CLASP1: variants seen among roughly 807,000 people sequenced by gnomAD.
CLASP1 encodes cytoplasmic linker associated protein 1, also known as CLIP-associating protein 1.
In CLASP1, 38 loss-of-function variants were observed where a neutral mutation model predicts 192.3. The ratio of observed to expected loss-of-function variants is 0.20; its 90% CI spans 0.15 to 0.26. The LOEUF (loss-of-function observed/expected upper bound fraction) is 0.26. CLASP1 is among the 10% of genes least tolerant of loss of function. The pLI is 1.00. For synonymous variants in CLASP1, 691 were observed against 712.8 expected, an observed-to-expected ratio of 0.97 and a Z score of 0.49; for missense variants, 1,433 against 1,932.5, an observed-to-expected ratio of 0.74 and a Z score of 4.85.
exon 40 of CLASP1, chr2:121,340,882 G>A (rs1253967518): frequency 3.7e-5 from 60 of 1,611,914 alleles, no homozygotes; most frequent in Non-Finnish European, 4.7e-5. Flanking sequence ...TGGAGACATC[G>A]GAGGAGGAGC....
chr2:121,610,774 G>C (rs780726580), intron 1 of CLASP1, among the ~76,000 whole-genome samples: 15 of 143,760 alleles, frequency 1.0e-4, no homozygotes, highest in Admixed American at 2.1e-4. Flanking sequence ...AGAGGAACTG[G>C]AGGAGGAGGA....
chr2:121,457,412 C>T (rs977577682), intron 14 of CLASP1, among the ~76,000 whole-genome samples: 10 of 151,878 alleles, frequency 6.6e-5, no homozygotes, highest in Non-Finnish European at 8.8e-5. Context: ...CTCTCCCCTT[C>T]TCCTTCTGCC....
exon 8 of CLASP1, chr2:121,503,202 A>G: frequency 6.5e-7 from 1 of 1,549,936 alleles, no homozygotes; most frequent in Non-Finnish European, 8.7e-7. Context: ...AGATTTCTGG[A>G]CTTCATCAAA....
chr2:121,535,184 T>G (rs2095024872), intron 2 of CLASP1, among the ~76,000 whole-genome samples: 1 of 152,174 alleles, frequency 6.6e-6, no homozygotes, highest in African/African-American at 2.4e-5. Flanking sequence ...CTCGGGAGGC[T>G]GAGGTGGGAG....
intron 39 of CLASP1, among the ~76,000 whole-genome samples, chr2:121,346,610 A>T (rs1483618807): frequency 6.6e-6 from 1 of 152,232 alleles, no homozygotes; most frequent in Non-Finnish European, 1.5e-5. Flanking sequence ...CAACGCATGC[A>T]AAGTGCGTAG....
intron 1 of CLASP1, among the ~76,000 whole-genome samples, chr2:121,629,793 A>C (rs2069139546): frequency 6.6e-6 from 1 of 152,094 alleles, no homozygotes; most frequent in African/African-American, 2.4e-5. Flanking sequence ...CTCCATCTCA[A>C]AAAAAATAAA....
intron 1 of CLASP1, among the ~76,000 whole-genome samples, chr2:121,629,690 C>G (rs563170982): frequency 1.4e-4 from 21 of 151,966 alleles, no homozygotes; most frequent in African/African-American, 4.3e-4. Flanking sequence ...ACTTGAGAGA[C>G]TGAGGCAGGA....
At chr2:121,387,301 T>C in intron 31 of CLASP1, 73 bp from the exon 33 acceptor site, 2 of 1,063,116 alleles carry the variant, frequency 1.9e-6, no homozygotes, top group Non-Finnish European at 2.6e-6. Context: ...TCCTTGGTCT[T>C]TTAACCCACA....
intron 1 of CLASP1, among the ~76,000 whole-genome samples, chr2:121,616,823 C>G (rs146606478): frequency 6.6e-6 from 1 of 152,168 alleles, no homozygotes; most frequent in Non-Finnish European, 1.5e-5. Context: ...ACTCAGTGAG[C>G]AAGCATTTAC....
chr2:121,381,341 A>G (rs1574077840), intron 33 of CLASP1, among the ~76,000 whole-genome samples: 1 of 151,594 alleles, frequency 6.6e-6, no homozygotes, highest in Admixed American at 6.6e-5. Context: ...CACACCCTCT[A>G]TTATAGAGGA....
chr2:121,521,514 C>A (rs1373755142), intron 6 of CLASP1, among the ~76,000 whole-genome samples: 1 of 152,116 alleles, frequency 6.6e-6, no homozygotes, highest in Middle Eastern at 3.2e-3. Flanking sequence ...CCGGAAACTT[C>A]CTACGTCATG....
At chr2:121,387,296 G>T (rs1574166420) in intron 31 of CLASP1, 68 bp from the exon 33 acceptor site, 3 of 1,120,636 alleles carry the variant, frequency 2.7e-6, no homozygotes, top group Non-Finnish European at 3.7e-6. Context: ...TTCTTTCCTT[G>T]GTCTTTTAAC....
At position 121,412,972 on chromosome 2, in the gene CLASP1, T is replaced by C. The variant is rs374141104; in HGVS notation, c.2321-2003A>G. Among the ~76,000 whole-genome samples the C allele has an allele frequency of 2.6e-5, 4 of 152,236 alleles. No homozygotes were observed. The East Asian group carries it at 5.8e-4, about 22-fold the overall frequency. On this transcript the variant is annotated intron_variant, in intron 23 of 39. Transcript: ENST00000263710. ...GGGAAATGTACATAATCAGAATATA[T>C]AGGAGGCTGGGCACGGCGGCTTTGC...
intron 35 of CLASP1, among the ~76,000 whole-genome samples, chr2:121,365,885 T>C (rs959988907): frequency 6.6e-6 from 1 of 152,184 alleles, no homozygotes; most frequent in Non-Finnish European, 1.5e-5. Flanking sequence ...CTCAACATAG[T>C]TACCTGCAGG....
chr2:121,451,137 A>T, intron 15 of CLASP1, 147 bp from the exon 16 acceptor site: 1 of 610,572 alleles, frequency 1.6e-6, no homozygotes, highest in Non-Finnish European at 2.9e-6. Flanking sequence ...GGCTGGGCAA[A>T]GCACGGCACT....
At chr2:121,343,742 G>T (rs2063082241) in intron 39 of CLASP1, among the ~76,000 whole-genome samples, 1 of 152,164 alleles carries the variant, frequency 6.6e-6, no homozygotes, top group East Asian at 1.9e-4. Context: ...AAGATGGATG[G>T]TAGTGATGGT....
At chr2:121,516,766 C>T (rs1368428954) in intron 6 of CLASP1, among the ~76,000 whole-genome samples, 1 of 151,704 alleles carries the variant, frequency 6.6e-6, no homozygotes. Context: ...TGGTGGCTCA[C>T]GCCTATAATC....
chr2:121,353,652 A>G (rs1356300501), intron 37 of CLASP1, among the ~76,000 whole-genome samples: 1 of 152,210 alleles, frequency 6.6e-6, no homozygotes, highest in African/African-American at 2.4e-5. Flanking sequence ...CCCTCCCACT[A>G]GACTAAAAGT....
exon 40 of CLASP1, chr2:121,340,818 C>A: frequency 6.8e-7 from 1 of 1,479,928 alleles, no homozygotes; most frequent in Non-Finnish European, 9.3e-7. Flanking sequence ...CTGAGAGGCA[C>A]CACCGATTGC....
Sources: gnomAD v4.1 joint callset for allele counts (sites outside exome capture counted in the v4.1 genomes callset) on GRCh38, gnomAD v4.1.1 for gene constraint, MANE v1.5 for transcripts, NCBI Gene and HGNC (gene_info 2026-07-23, HGNC 2026-07-21) for gene names.